Variants in LIN28B observed in about 807,000 individuals in gnomAD.
LIN28B encodes protein lin-28 homolog B.
Under a neutral mutation model 21.9 loss-of-function variants are expected in LIN28B, and 5 were observed. That is an observed-to-expected ratio of 0.23 (90% CI 0.12 to 0.48). LIN28B has a LOEUF of 0.48. LIN28B is among the 20% of genes least tolerant of loss of function. The probability of loss-of-function intolerance (pLI) is 0.98; values close to 1 mark genes in which losing one functional copy is unlikely to be tolerated. For missense variants in LIN28B, 245 were observed against 310.5 expected (o/e 0.79, Z 1.58); for synonymous variants, 109 against 111.3 (o/e 0.98, Z 0.13).
intron 2 of LIN28B, among the ~76,000 whole-genome samples, chr6:105,011,231 C>T (rs1345004376): frequency 1.3e-5 from 2 of 152,062 alleles, no homozygotes; most frequent in Non-Finnish European, 2.9e-5. Context: ...ACTCTATTGC[C>T]CAAGCTGGAG....
chr6:104,981,466 C>T (rs1770223925), intron 2 of LIN28B, among the ~76,000 whole-genome samples: 1 of 152,220 alleles, frequency 6.6e-6, no homozygotes, highest in Non-Finnish European at 1.5e-5. Flanking sequence ...TGGCTGCTTA[C>T]ATCTGCTCTT....
chr6:105,028,770 G>A (rs1771357217), intron 3 of LIN28B, among the ~76,000 whole-genome samples: 1 of 152,160 alleles, frequency 6.6e-6, no homozygotes, highest in Non-Finnish European at 1.5e-5. Context: ...TTCCAGCACT[G>A]GAGTTAAAAA....
intron 2 of LIN28B, among the ~76,000 whole-genome samples, chr6:105,014,394 A>T (rs1770985050): frequency 6.6e-6 from 1 of 152,328 alleles, no homozygotes; most frequent in South Asian, 2.1e-4. Context: ...ATCTTGGCTC[A>T]CTGTAACCTC....
chr6:105,020,496 T>G (rs1295623000), intron 2 of LIN28B, among the ~76,000 whole-genome samples: 1 of 151,950 alleles, frequency 6.6e-6, no homozygotes, highest in Non-Finnish European at 1.5e-5. Context: ...TTTTGTATTT[T>G]TTTGTAGAGA....
chr6:104,996,106 G>A (rs1024520409), intron 2 of LIN28B, among the ~76,000 whole-genome samples: 3 of 152,112 alleles, frequency 2.0e-5, no homozygotes, highest in East Asian at 3.8e-4. Context: ...ATAAGAGGGC[G>A]TTAAAAAGGA....
At chr6:105,073,673 A>G (rs1468534501) in intron 3 of LIN28B, among the ~76,000 whole-genome samples, 1 of 152,148 alleles carries the variant, frequency 6.6e-6, no homozygotes, top group African/African-American at 2.4e-5. Flanking sequence ...GAAGAATCCT[A>G]AGATACATTT....
At chr6:104,983,332 T>A (rs1770265384) in intron 2 of LIN28B, among the ~76,000 whole-genome samples, 1 of 151,534 alleles carries the variant, frequency 6.6e-6, no homozygotes, top group Non-Finnish European at 1.5e-5. Flanking sequence ...GAAGCTGAAA[T>A]TTGGTTGGGG....
At chr6:105,030,565 C>A (rs1771398919) in intron 3 of LIN28B, among the ~76,000 whole-genome samples, 1 of 147,852 alleles carries the variant, frequency 6.8e-6, no homozygotes, top group Admixed American at 6.8e-5. Context: ...AAAGAACAGG[C>A]TCTTGAATTA....
chr6:105,025,619 T>C (rs1771272303), intron 2 of LIN28B, among the ~76,000 whole-genome samples: 1 of 152,154 alleles, frequency 6.6e-6, no homozygotes, highest in East Asian at 1.9e-4. Flanking sequence ...ATAATAAACA[T>C]ATATCTTTTA....
intron 3 of LIN28B, among the ~76,000 whole-genome samples, chr6:105,069,786 C>A (rs1772294810): frequency 2.0e-5 from 3 of 151,912 alleles, no homozygotes; most frequent in South Asian, 4.1e-4. Context: ...AACAGAGAAA[C>A]CATATCTGAA....
At chr6:105,053,151 T>A (rs961613811) in intron 3 of LIN28B, among the ~76,000 whole-genome samples, 1 of 152,212 alleles carries the variant, frequency 6.6e-6, no homozygotes, top group African/African-American at 2.4e-5. Flanking sequence ...TTGGAATTTC[T>A]ATATGTCTTA....
intron 2 of LIN28B, among the ~76,000 whole-genome samples, chr6:105,005,772 G>T (rs1002205166): frequency 5.9e-5 from 9 of 152,186 alleles, no homozygotes; most frequent in Non-Finnish European, 2.9e-5. Context: ...CCAGTCTCAG[G>T]TAGTTCTTTA....
intron 2 of LIN28B, among the ~76,000 whole-genome samples, chr6:104,971,518 A>G (rs1769984889): frequency 6.6e-6 from 1 of 152,128 alleles, no homozygotes; most frequent in African/African-American, 2.4e-5. Context: ...GTTTTGTGGT[A>G]AGTTTATTTT....
chr6:105,072,290 AGTTCCCAATTCATAGGCT>A (rs1409490378), intron 3 of LIN28B, among the ~76,000 whole-genome samples: 1 of 152,194 alleles, frequency 6.6e-6, no homozygotes, highest in Non-Finnish European at 1.5e-5. Flanking sequence ...TAGATATTGT[AGTTCCCAATTCATAGGCT>A]TTGGGGGTGG....
intron 2 of LIN28B, among the ~76,000 whole-genome samples, chr6:105,008,118 T>G (rs914234793): frequency 6.6e-6 from 1 of 152,250 alleles, no homozygotes; most frequent in South Asian, 2.1e-4. Flanking sequence ...TCTGTGAGCT[T>G]CTTCCTTGTC....
intron 3 of LIN28B, among the ~76,000 whole-genome samples, chr6:105,049,352 C>T (rs1235455258): frequency 4.6e-5 from 7 of 152,180 alleles, no homozygotes; most frequent in Non-Finnish European, 5.9e-5. Context: ...TTTGATTGCA[C>T]TGTGGCCTGA....
chr6:104,973,374 C>T (rs1322455144), intron 2 of LIN28B, among the ~76,000 whole-genome samples: 1 of 152,066 alleles, frequency 6.6e-6, no homozygotes, highest in Admixed American at 6.6e-5. Flanking sequence ...GTTCAATTTT[C>T]AGTGTAAATT....
chr6:104,988,141 G>A (rs775608321), intron 2 of LIN28B, among the ~76,000 whole-genome samples: 4 of 152,080 alleles, frequency 2.6e-5, no homozygotes, highest in Non-Finnish European at 4.4e-5. Context: ...CTCGCAACTC[G>A]GGGAAAATGT....
Position 105,078,601 on chromosome 6 carries a change from C to A in LIN28B, c.571C>A (p.Leu191Ile), listed in dbSNP as rs1312767658. The A allele has an allele frequency of 1.2e-6, 2 of 1,614,124 alleles. No homozygotes were observed. The highest frequency in any genetic ancestry group is 1.7e-6 in the Non-Finnish European group (2 of 1,180,006). ...EAESQPCTSTLPREVGGGHGC... is the reference protein window; with the variant it reads ...EAESQPCTSTIPREVGGGHGC... ...AGAATCCCAGCCATGCACTTCAACT[C>A]TCCCTCGAGAAGTGGGAGGCGGGCA... Residue 191 changes from leucine (L) to isoleucine (I), a missense_variant, in exon 4 of 4, where the codon CTC (leucine) becomes ATC (isoleucine). Coordinates refer to ENST00000345080, the MANE Select transcript of LIN28B (RefSeq NM_001004317.4).
Sources: allele counts gnomAD v4.1 joint callset (sites outside exome capture counted in the v4.1 genomes callset), GRCh38; gene constraint gnomAD v4.1.1; transcripts MANE v1.5; gene names NCBI Gene and HGNC (gene_info 2026-07-23, HGNC 2026-07-21).